Variants in HS6ST3 observed in about 807,000 individuals in gnomAD.
HS6ST3 encodes the protein heparan-sulfate 6-O-sulfotransferase 3.
A neutral mutation model predicts 36.7 loss-of-function variants in HS6ST3; 12 were observed. That is an observed-to-expected ratio of 0.33 (90% confidence interval 0.21 to 0.53). HS6ST3 has a LOEUF of 0.53. Among genes scored for constraint, HS6ST3 ranks in the 20% least tolerant of loss-of-function variants. The probability of loss-of-function intolerance (pLI) is 0.95; values close to 1 mark genes in which losing one functional copy is unlikely to be tolerated. For missense variants in HS6ST3, 584 were observed against 640.9 expected (o/e 0.91, Z 0.96); for synonymous variants, 240 against 257.5 (o/e 0.93, Z 0.65).
intron 1 of HS6ST3, among the ~76,000 whole-genome samples, chr13:96,581,869 T>C (rs1464241554): frequency 3.9e-5 from 6 of 152,228 alleles, no homozygotes; most frequent in Non-Finnish European, 8.8e-5. Flanking sequence ...GAGTTTGTAC[T>C]GAAGTGGGGA....
intron 1 of HS6ST3, among the ~76,000 whole-genome samples, chr13:96,195,183 A>G (rs115562777): frequency 6.6e-6 from 1 of 152,336 alleles, no homozygotes; most frequent in African/African-American, 2.4e-5. Flanking sequence ...AACGGGAAAC[A>G]AAAATAGCAT....
chr13:96,809,296 C>T (rs67527212), intron 1 of HS6ST3, among the ~76,000 whole-genome samples: 13,016 of 152,108 alleles, frequency 0.086, 646 homozygotes, highest in Non-Finnish European at 0.12. Context: ...ATTTAAGCAA[C>T]CCCAGAAAAG....
chr13:96,339,678 C>G (rs1219640564), intron 1 of HS6ST3, among the ~76,000 whole-genome samples: 1 of 152,202 alleles, frequency 6.6e-6, no homozygotes, highest in African/African-American at 2.4e-5. Flanking sequence ...TGGATTATAG[C>G]CATGGCTGCC....
intron 1 of HS6ST3, among the ~76,000 whole-genome samples, chr13:96,309,488 A>G (rs942216842): frequency 6.6e-6 from 1 of 152,182 alleles, no homozygotes; most frequent in African/African-American, 2.4e-5. Flanking sequence ...ATTTTCACAT[A>G]TAACAAGGCT....
At chr13:96,822,749 A>C (rs967651576) in intron 1 of HS6ST3, among the ~76,000 whole-genome samples, 5 of 152,168 alleles carry the variant, frequency 3.3e-5, no homozygotes, top group African/African-American at 1.2e-4. Flanking sequence ...GTTAGCTGAC[A>C]CCCAGCCATT....
At chr13:96,325,604 C>T (rs1341191493) in intron 1 of HS6ST3, among the ~76,000 whole-genome samples, 1 of 152,048 alleles carries the variant, frequency 6.6e-6, no homozygotes, top group South Asian at 2.1e-4. Context: ...AAATCCTATG[C>T]CATTTTCTGT....
chr13:96,351,905 A>T (rs2055185947), intron 1 of HS6ST3, among the ~76,000 whole-genome samples: 1 of 152,224 alleles, frequency 6.6e-6, no homozygotes, highest in Admixed American at 6.5e-5. Flanking sequence ...GAAAATTAAC[A>T]GTATTAAATT....
chr13:96,174,877 T>G (rs1021041812), intron 1 of HS6ST3, among the ~76,000 whole-genome samples: 6 of 152,178 alleles, frequency 3.9e-5, no homozygotes, highest in African/African-American at 1.4e-4. Context: ...GAACCAAATT[T>G]AGGCCATGGC....
chr13:96,548,166 T>C (rs1249933821), intron 1 of HS6ST3, among the ~76,000 whole-genome samples: 1 of 152,178 alleles, frequency 6.6e-6, no homozygotes, highest in Non-Finnish European at 1.5e-5. Context: ...TCCAGTTCTT[T>C]TTGATTGAAA....
At chr13:96,366,763 C>T (rs1218952278) in intron 1 of HS6ST3, among the ~76,000 whole-genome samples, 2 of 152,170 alleles carry the variant, frequency 1.3e-5, no homozygotes, top group African/African-American at 2.4e-5. Flanking sequence ...TGTGTCCCCA[C>T]CCAAATCTCA....
chr13:96,573,671 C>A (rs570425886), intron 1 of HS6ST3: 1 of 288,948 alleles, frequency 3.5e-6, no homozygotes, highest in Non-Finnish European at 6.6e-6. Context: ...TGGCAGCAGG[C>A]TGTTGTGAGA....
chr13:96,470,616 G>C (rs769367152), intron 1 of HS6ST3, among the ~76,000 whole-genome samples: 1 of 152,082 alleles, frequency 6.6e-6, no homozygotes, highest in Non-Finnish European at 1.5e-5. Flanking sequence ...CTCTTCCATA[G>C]TCATGCATCT....
intron 1 of HS6ST3, among the ~76,000 whole-genome samples, chr13:96,457,453 A>G (rs937289146): frequency 6.6e-6 from 1 of 152,164 alleles, no homozygotes; most frequent in African/African-American, 2.4e-5. Flanking sequence ...GTGATGCACA[A>G]AGTGAACACA....
rs191253222 is a variant in HS6ST3 at position 96,620,334 on chromosome 13, G to C, written c.708-212156G>C. ...GGGAAAGCTTACAAATGGACTGTTA[G>C]AGCCCAAGAGGCTACGGTAATCTAA... is the stretch of plus-strand genomic sequence containing the variant. On this transcript the variant is annotated intron_variant, in intron 1 of 1. Coordinates refer to ENST00000376705, the MANE Select transcript of HS6ST3 (RefSeq NM_153456.4). Among the ~76,000 whole-genome samples, 447 of 152,116 alleles carry C rather than the reference G, an allele frequency of 2.9e-3. 2 individuals carry two copies. The highest frequency in any genetic ancestry group is 9.3e-3 in the African/African-American group (386 of 41,382).
At chr13:96,731,630 T>C (rs1876156187) in intron 1 of HS6ST3, among the ~76,000 whole-genome samples, 1 of 152,028 alleles carries the variant, frequency 6.6e-6, no homozygotes, top group Non-Finnish European at 1.5e-5. Context: ...AGTTGCTGGA[T>C]CATATGGTAG....
intron 1 of HS6ST3, among the ~76,000 whole-genome samples, chr13:96,698,738 C>T (rs896095336): frequency 2.0e-5 from 3 of 152,118 alleles, no homozygotes; most frequent in African/African-American, 7.2e-5. Flanking sequence ...ACTTTCTTCA[C>T]AGAATTGGAA....
chr13:96,676,603 A>T (rs1293675402), intron 1 of HS6ST3, among the ~76,000 whole-genome samples: 1 of 152,182 alleles, frequency 6.6e-6, no homozygotes, highest in Non-Finnish European at 1.5e-5. Flanking sequence ...TTCACATTCC[A>T]TCCCAAGAGA....
chr13:96,775,212 C>T (rs1412717472), intron 1 of HS6ST3, among the ~76,000 whole-genome samples: 1 of 151,894 alleles, frequency 6.6e-6, no homozygotes, highest in Non-Finnish European at 1.5e-5. Flanking sequence ...AAACAAGTAC[C>T]AGCCACTGCA....
intron 1 of HS6ST3, among the ~76,000 whole-genome samples, chr13:96,154,158 A>G (rs1445197560): frequency 1.3e-5 from 2 of 152,228 alleles, no homozygotes; most frequent in South Asian, 4.1e-4. Context: ...TGTTAATATT[A>G]AATATCAGAT....
Sources: gnomAD v4.1 joint callset for allele counts (sites outside exome capture counted in the v4.1 genomes callset) on GRCh38, gnomAD v4.1.1 for gene constraint, MANE v1.5 for transcripts, NCBI Gene and HGNC (gene_info 2026-07-23, HGNC 2026-07-21) for gene names.